Variants in LOC128462377 observed in about 807,000 individuals in gnomAD.
the LOC128462377 span, among the ~76,000 whole-genome samples, chr16:89,355,429 G>A: frequency 6.6e-6 from 1 of 152,198 alleles, no homozygotes; most frequent in Non-Finnish European, 1.5e-5. Context: ...CTTTTCATCA[G>A]CCAGACTGTT....
chr16:89,339,324 G>A, the LOC128462377 span, among the ~76,000 whole-genome samples: 1 of 152,208 alleles, frequency 6.6e-6, no homozygotes, highest in Non-Finnish European at 1.5e-5. Flanking sequence ...AGGAGTAAGA[G>A]AGGCCCAGGT....
the LOC128462377 span, among the ~76,000 whole-genome samples, chr16:89,370,911 G>A: frequency 6.6e-6 from 1 of 152,104 alleles, no homozygotes; most frequent in Non-Finnish European, 1.5e-5. Flanking sequence ...CCCAAGAACA[G>A]AACCCTGCAG....
the LOC128462377 span, chr16:89,395,949 G>A: frequency 6.6e-6 from 1 of 152,168 alleles, no homozygotes; most frequent in Non-Finnish European, 1.5e-5. Flanking sequence ...AAGCACTGCT[G>A]CCGCACACCA....
the LOC128462377 span, among the ~76,000 whole-genome samples, chr16:89,389,713 G>A: frequency 6.4e-3 from 971 of 152,146 alleles, 15 homozygotes; most frequent in African/African-American, 0.022. Context: ...AGGGAGCACC[G>A]AGAGAGAAGA....
chr16:89,341,924 C>A, the LOC128462377 span, among the ~76,000 whole-genome samples: 23 of 151,214 alleles, frequency 1.5e-4, no homozygotes, highest in Admixed American at 8.6e-4. Context: ...CGGCCCACGG[C>A]GGGAGTGCTG....
the LOC128462377 span, among the ~76,000 whole-genome samples, chr16:89,325,633 TG>T: frequency 6.6e-6 from 1 of 152,182 alleles, no homozygotes; most frequent in African/African-American, 2.4e-5. Context: ...CGGATGGAAT[TG>T]GAAGGGACGG....
chr16:89,381,086 G>A, the LOC128462377 span, among the ~76,000 whole-genome samples: 1 of 152,114 alleles, frequency 6.6e-6, no homozygotes, highest in Non-Finnish European at 1.5e-5. Flanking sequence ...ACTTTGGGAG[G>A]CCGAGGCAGG....
chr16:89,321,906 G>C, the LOC128462377 span, among the ~76,000 whole-genome samples: 1 of 152,158 alleles, frequency 6.6e-6, no homozygotes, highest in Non-Finnish European at 1.5e-5. Flanking sequence ...TGAAAACCCG[G>C]AGGACGAAAG....
At chr16:89,409,711 G>C in the LOC128462377 span, among the ~76,000 whole-genome samples, 1 of 152,142 alleles carries the variant, frequency 6.6e-6, no homozygotes, top group Non-Finnish European at 1.5e-5. Context: ...TTACAACACT[G>C]AAGTTTAGAA....
At chr16:89,369,477 C>T in the LOC128462377 span, among the ~76,000 whole-genome samples, 8 of 152,254 alleles carry the variant, frequency 5.3e-5, no homozygotes, top group African/African-American at 1.7e-4. Context: ...TGCGCCGCAA[C>T]AGCACAAAGC....
the LOC128462377 span, among the ~76,000 whole-genome samples, chr16:89,350,435 T>C: frequency 6.6e-6 from 1 of 152,178 alleles, no homozygotes; most frequent in South Asian, 2.1e-4. Flanking sequence ...TAACTGCTTA[T>C]TGGATGAACA....
At chr16:89,404,530 G>A in the LOC128462377 span, among the ~76,000 whole-genome samples, 1 of 152,196 alleles carries the variant, frequency 6.6e-6, no homozygotes, top group East Asian at 1.9e-4. Context: ...GAAGGGTATG[G>A]GGTAAAGAGA....
chr16:89,380,812 G>C, the LOC128462377 span, among the ~76,000 whole-genome samples: 30 of 152,370 alleles, frequency 2.0e-4, no homozygotes, highest in South Asian at 4.1e-4. Flanking sequence ...CGAGCACTGG[G>C]GCTTATGGGA....
chr16:89,390,030 C>T, the LOC128462377 span, among the ~76,000 whole-genome samples: 1 of 75,696 alleles, frequency 1.3e-5, no homozygotes, highest in Non-Finnish European at 2.4e-5. Context: ...CCGAGTGTGA[C>T]GGGGAGCACC....
At chr16:89,339,634 A>C in the LOC128462377 span, among the ~76,000 whole-genome samples, 1 of 152,246 alleles carries the variant, frequency 6.6e-6, no homozygotes, top group Non-Finnish European at 1.5e-5. Context: ...ACAAATTAGC[A>C]ATAGCTAATG....
the LOC128462377 span, among the ~76,000 whole-genome samples, chr16:89,396,331 G>A: frequency 1.3e-5 from 2 of 152,138 alleles, no homozygotes; most frequent in African/African-American, 4.8e-5. Context: ...GTCACCTCCA[G>A]ATGTGGACAC....
chr16:89,343,977 G>A, the LOC128462377 span, among the ~76,000 whole-genome samples: 1 of 152,182 alleles, frequency 6.6e-6, no homozygotes, highest in African/African-American at 2.4e-5. Context: ...AGCTCTGACC[G>A]ACTGAACCCA....
the LOC128462377 span, among the ~76,000 whole-genome samples, chr16:89,382,155 G>C: frequency 6.6e-6 from 1 of 152,000 alleles, no homozygotes; most frequent in African/African-American, 2.4e-5. Context: ...CAGAGAGTCT[G>C]CTCCCACCCA....
At chr16:89,376,305 G>T in the LOC128462377 span, among the ~76,000 whole-genome samples, 1 of 152,210 alleles carries the variant, frequency 6.6e-6, no homozygotes, top group South Asian at 2.1e-4. Context: ...TGGTTTGACA[G>T]TTTTAGAACG....
Sources: allele counts gnomAD v4.1 joint callset (sites outside exome capture counted in the v4.1 genomes callset), GRCh38; gene constraint gnomAD v4.1.1; transcripts MANE v1.5.